Variants in PEPD observed in about 807,000 individuals in gnomAD.
The protein encoded by PEPD is peptidase D, also known as xaa-Pro dipeptidase.
PEPD carries 53 observed loss-of-function variants against 60.7 expected under a neutral mutation model. The observed-to-expected ratio is 0.87, with a 90% CI of 0.70 to 1.10. PEPD has a LOEUF of 1.10. PEPD is among the 50% of genes least tolerant of loss of function. PEPD has a pLI of 0.00. For missense variants in PEPD, 711 were observed against 711.9 expected, an observed-to-expected ratio of 1.00 and a Z score of 0.01; for synonymous variants, 267 against 284.1, an observed-to-expected ratio of 0.94 and a Z score of 0.60.
chr19:33,391,557 A>G, intron 12 of PEPD, 78 bp from the exon 13 acceptor site: 1 of 1,310,108 alleles, frequency 7.6e-7, no homozygotes, highest in Non-Finnish European at 1.1e-6. Context: ...GGAGATGTGA[A>G]GCCCTCACAC....
intron 9 of PEPD, among the ~76,000 whole-genome samples, chr19:33,449,823 A>G (rs150073436): frequency 1.3e-5 from 2 of 152,348 alleles, no homozygotes; most frequent in East Asian, 3.9e-4. Flanking sequence ...CTGATAAGGA[A>G]GCCACAGAGA....
intron 10 of PEPD, among the ~76,000 whole-genome samples, chr19:33,412,446 C>A (rs8108898): frequency 0.07 from 10,631 of 152,238 alleles, 1,274 homozygotes; most frequent in African/African-American, 0.24. Flanking sequence ...GGGAGAGGGC[C>A]TCTATGGAAA....
At chr19:33,495,994 C>CA (rs934586883) in intron 4 of PEPD, among the ~76,000 whole-genome samples, 73 of 124,204 alleles carry the variant, frequency 5.9e-4, no homozygotes, top group Admixed American at 1.1e-3. Flanking sequence ...AAACAAAAAA[C>CA]AAAAAAAAAC....
intron 9 of PEPD, among the ~76,000 whole-genome samples, chr19:33,461,819 G>C (rs1384358411): frequency 6.6e-6 from 1 of 152,208 alleles, no homozygotes; most frequent in Non-Finnish European, 1.5e-5. Context: ...ATAGCTCTGC[G>C]AGCCCTTCTC....
At chr19:33,460,542 C>T (rs1969906909) in intron 9 of PEPD, among the ~76,000 whole-genome samples, 2 of 152,174 alleles carry the variant, frequency 1.3e-5, no homozygotes, top group Non-Finnish European at 2.9e-5. Flanking sequence ...ACTCGGTCCC[C>T]TCAGGAACAG....
intron 6 of PEPD, among the ~76,000 whole-genome samples, chr19:33,489,068 G>A (rs772472562): frequency 6.6e-6 from 1 of 152,058 alleles, no homozygotes; most frequent in Non-Finnish European, 1.5e-5. Context: ...CCAGTGGGCA[G>A]GGCTCTCCCG....
chr19:33,517,509 A>T (rs576385346), intron 1 of PEPD, among the ~76,000 whole-genome samples: 9 of 151,832 alleles, frequency 5.9e-5, no homozygotes, highest in African/African-American at 2.2e-4. Context: ...CAGTGAGCCA[A>T]GATCAAGCCA....
chr19:33,483,634 A>G (rs965738684), intron 6 of PEPD, among the ~76,000 whole-genome samples: 1 of 152,146 alleles, frequency 6.6e-6, no homozygotes, highest in Non-Finnish European at 1.5e-5. Flanking sequence ...ATGTGGCGAG[A>G]CTTTGTCTCT....
At chr19:33,435,039 G>A (rs117699443) in intron 9 of PEPD, among the ~76,000 whole-genome samples, 1,964 of 152,318 alleles carry the variant, frequency 0.013, 26 homozygotes, top group South Asian at 0.071. Context: ...GGAATGCGAT[G>A]CCAGAGGAAG....
intron 4 of PEPD, among the ~76,000 whole-genome samples, chr19:33,500,454 C>T (rs56098474): frequency 1.1e-3 from 171 of 152,340 alleles, no homozygotes; most frequent in Middle Eastern, 6.8e-3. Flanking sequence ...CCAGGCCACA[C>T]GACACCTGCT....
chr19:33,496,535 ACC>A (rs1285600196), intron 4 of PEPD, among the ~76,000 whole-genome samples: 1 of 152,124 alleles, frequency 6.6e-6, no homozygotes, highest in African/African-American at 2.4e-5. Context: ...TCATCAGCAC[ACC>A]CTGACTCCGT....
At position 33,413,565 on chromosome 19, in the gene PEPD, C is replaced by G. The variant is rs746397420; in HGVS notation, c.740+10G>C. On this transcript the variant is annotated intron_variant, in intron 10 of 14. Coordinates refer to ENST00000244137, the MANE Select transcript of PEPD (RefSeq NM_000285.4). ...GGTCACCCCCAGGGGAGCCAGGGTG[C>G]CCCGCTTACCTGCCGCAGATGCAGG... 24 of 1,534,234 alleles carry G rather than the reference C, an allele frequency of 1.6e-5. No individual in the cohort carries two copies. Among genetic ancestry groups the G allele is most frequent in the Non-Finnish European group, 1.7e-5 (19 of 1,127,762 alleles).
intron 6 of PEPD, among the ~76,000 whole-genome samples, chr19:33,482,605 A>G (rs1192949020): frequency 6.6e-6 from 1 of 152,216 alleles, no homozygotes; most frequent in Non-Finnish European, 1.5e-5. Context: ...CAAGGCAAAC[A>G]GGCAAGAAAA....
rs1334418705 is a variant in PEPD, at chr19:33,463,051, G to T, written c.625-10C>A. ...TTACAGCCTTCATTACCTGGAGGACGGATATTAAGCAAAGACATTTGTATT... is the reference window on the plus strand; with the variant it reads ...TTACAGCCTTCATTACCTGGAGGACTGATATTAAGCAAAGACATTTGTATT... On this transcript the variant is annotated splice_polypyrimidine_tract_variant and intron_variant, in intron 8 of 14. Coordinates refer to ENST00000244137, the MANE Select transcript of PEPD (RefSeq NM_000285.4). 1.9e-6 allele frequency: 3 copies of T among 1,553,092 alleles called. No homozygotes were observed. The highest frequency in any genetic ancestry group is 2.7e-6 in the Non-Finnish European group (3 of 1,124,556).
chr19:33,434,311 A>G (rs1028606566), intron 9 of PEPD, among the ~76,000 whole-genome samples: 2 of 152,054 alleles, frequency 1.3e-5, no homozygotes, highest in African/African-American at 4.8e-5. Flanking sequence ...TCCGGTGCAC[A>G]TGGGGCAGGC....
chr19:33,460,876 G>A lies in PEPD; in HGVS notation c.671+2119C>T, dbSNP rs113952960. On this transcript the variant is annotated intron_variant, in intron 9 of 14. Coordinates refer to ENST00000244137, the MANE Select transcript of PEPD (RefSeq NM_000285.4). The stretch of plus-strand genomic sequence containing the variant: ...GGAGGCGGCAGCAAGGCCAACCCAG[G>A]GTCTTGGGATGGGGGTGGAGGGAAG... Among the ~76,000 whole-genome samples the A allele has an allele frequency of 1.1e-3, 174 of 152,266 alleles. 4 individuals carry two copies. The highest frequency in any genetic ancestry group is 3.9e-3 in the African/African-American group (163 of 41,566).
At chr19:33,462,113 G>T (rs1321454734) in intron 9 of PEPD, among the ~76,000 whole-genome samples, 3 of 152,248 alleles carry the variant, frequency 2.0e-5, no homozygotes, top group African/African-American at 4.8e-5. Flanking sequence ...AGCCTGGGAG[G>T]GTGATATGGA....
At position 33,426,867 on chromosome 19, in the gene PEPD, C is replaced by T. The variant is rs2145389577; in HGVS notation, c.672-13224G>A. On this transcript the variant is annotated intron_variant, in intron 9 of 14. Transcript: ENST00000244137. ...GGTTCTTCCAAGCATCCAGGAACCA[C>T]AAGGCCCAGGACGCAGCGAAATGTG... Among the ~76,000 whole-genome samples the T allele has an allele frequency of 1.3e-5, 2 of 152,354 alleles. 1 individual carries two copies. Among genetic ancestry groups the T allele is most frequent in the South Asian group, 4.1e-4 (2 of 4,832 alleles).
chr19:33,479,006 T>C (rs1970269307), intron 6 of PEPD, among the ~76,000 whole-genome samples: 1 of 152,226 alleles, frequency 6.6e-6, no homozygotes, highest in Non-Finnish European at 1.5e-5. Flanking sequence ...ATTGTAAATC[T>C]GTATTGATAA....
Sources: allele counts gnomAD v4.1 joint callset (sites outside exome capture counted in the v4.1 genomes callset), GRCh38; gene constraint gnomAD v4.1.1; transcripts MANE v1.5; gene names NCBI Gene and HGNC (gene_info 2026-07-23, HGNC 2026-07-21).